The following CTNNA2 variants were observed in gnomAD, a reference collection of about 807,000 sequenced individuals.
The protein encoded by CTNNA2 is catenin alpha-2.
Under a neutral mutation model 101.0 loss-of-function variants are expected in CTNNA2, and 42 were observed. The ratio of observed to expected loss-of-function variants is 0.42; its 90% CI spans 0.32 to 0.54. CTNNA2 has a LOEUF of 0.54. CTNNA2 is among the 20% of genes least tolerant of loss of function. The probability of loss-of-function intolerance (pLI) is 0.14; values close to 1 mark genes in which losing one functional copy is unlikely to be tolerated. For synonymous variants in CTNNA2, 450 were observed against 456.4 expected, an observed-to-expected ratio of 0.99 and a Z score of 0.18; for missense variants, 871 against 1,223.1, an observed-to-expected ratio of 0.71 and a Z score of 4.29.
intron 7 of CTNNA2, among the ~76,000 whole-genome samples, chr2:80,322,964 G>A (rs952932968): frequency 1.3e-5 from 2 of 152,196 alleles, no homozygotes; most frequent in Non-Finnish European, 2.9e-5. Context: ...TGTAATTTGG[G>A]AACAGGCAAA....
chr2:79,285,296 C>G (rs1256281156), intron 2 of CTNNA2, among the ~76,000 whole-genome samples: 1 of 150,338 alleles, frequency 6.7e-6, no homozygotes, highest in East Asian at 2.0e-4. Flanking sequence ...CTTCTGCTAG[C>G]TTTTGAATGT....
intron 15 of CTNNA2, among the ~76,000 whole-genome samples, chr2:80,603,391 A>T (rs984907238): frequency 5.3e-5 from 8 of 152,098 alleles, no homozygotes; most frequent in Non-Finnish European, 1.0e-4. Context: ...AAAAACATTT[A>T]CTGTCACTCA....
At chr2:79,321,875 G>A (rs764370340) in intron 3 of CTNNA2, among the ~76,000 whole-genome samples, 9 of 152,020 alleles carry the variant, frequency 5.9e-5, no homozygotes, top group Non-Finnish European at 1.3e-4. Context: ...GTACATGCAT[G>A]GGAAATCCTA....
chr2:79,563,289 G>T (rs186351235), intron 1 of CTNNA2, among the ~76,000 whole-genome samples: 18 of 151,404 alleles, frequency 1.2e-4, no homozygotes, highest in Admixed American at 1.2e-3. Flanking sequence ...ATTTATGATG[G>T]GATTCAGGGT....
At position 80,302,017 on chromosome 2, in the gene CTNNA2, AAGAT is replaced by A; in HGVS notation, c.1057-91190_1057-91187del. 1 of 469,974 alleles carries A rather than the reference AAGAT, an allele frequency of 2.1e-6. No homozygotes were observed. The highest frequency in any genetic ancestry group is 3.7e-6 in the Non-Finnish European group (1 of 271,646). 29.1% of individuals were successfully genotyped at this position (469,974 alleles called of 1,614,324 possible). ...AGGAAGGAGTTCTCATATGAAATTT[AAGAT>A]AGACTGTCCTGAAGGTTGTGGGGTG... On this transcript the variant is annotated intron_variant, in intron 7 of 18. Coordinates refer to ENST00000402739, the MANE Select transcript of CTNNA2 (RefSeq NM_001282597.3). The surrounding 1 kb of genome is among the most constrained non-coding windows in gnomAD (Gnocchi z 6.4).
intron 9 of CTNNA2, among the ~76,000 whole-genome samples, chr2:80,502,057 G>A (rs1411388295): frequency 1.3e-5 from 2 of 152,132 alleles, no homozygotes; most frequent in Non-Finnish European, 2.9e-5. Context: ...AGTCAGAGAG[G>A]CCTAGGATTG....
intron 2 of CTNNA2, among the ~76,000 whole-genome samples, chr2:79,726,707 A>G (rs1686866645): frequency 6.6e-6 from 1 of 152,224 alleles, no homozygotes; most frequent in Non-Finnish European, 1.5e-5. Flanking sequence ...GATCAAAATA[A>G]TAATATTTCA....
intron 7 of CTNNA2, among the ~76,000 whole-genome samples, chr2:80,211,912 C>G (rs1291791785): frequency 6.6e-6 from 1 of 152,082 alleles, no homozygotes; most frequent in Non-Finnish European, 1.5e-5. Flanking sequence ...GTTTGTAGTT[C>G]TCCTTGAAGA....
chr2:79,673,946 T>C (rs1683019988), intron 2 of CTNNA2, among the ~76,000 whole-genome samples: 1 of 152,224 alleles, frequency 6.6e-6, no homozygotes, highest in African/African-American at 2.4e-5. Flanking sequence ...TCAAACTATT[T>C]ATTGAACTTC....
intron 7 of CTNNA2, among the ~76,000 whole-genome samples, chr2:79,992,227 T>G (rs192470126): frequency 1.5e-3 from 221 of 152,290 alleles, no homozygotes; most frequent in Non-Finnish European, 2.4e-3. Flanking sequence ...GAACCACATT[T>G]ATATTCATTT....
chr2:79,691,271 T>A (rs78064189), intron 2 of CTNNA2, among the ~76,000 whole-genome samples: 5 of 151,982 alleles, frequency 3.3e-5, no homozygotes, highest in Admixed American at 2.6e-4. Flanking sequence ...TCTATATTCC[T>A]TTTTCTTATT....
At chr2:80,092,526 G>C (rs1699851250) in intron 7 of CTNNA2, among the ~76,000 whole-genome samples, 1 of 152,058 alleles carries the variant, frequency 6.6e-6, no homozygotes, top group African/African-American at 2.4e-5. Flanking sequence ...AACTGGCAAG[G>C]TGTGTTGACA....
intron 3 of CTNNA2, among the ~76,000 whole-genome samples, chr2:79,772,370 A>G (rs920541567): frequency 2.6e-5 from 4 of 152,170 alleles, no homozygotes; most frequent in Non-Finnish European, 2.9e-5. Context: ...GTTAAGGCAT[A>G]TGGTAGGTCT....
chr2:80,498,484 G>GC (rs983451224), intron 9 of CTNNA2, among the ~76,000 whole-genome samples: 17 of 152,088 alleles, frequency 1.1e-4, no homozygotes, highest in African/African-American at 4.1e-4. Context: ...TTTCCATGCT[G>GC]CCCCCACCTT....
intron 6 of CTNNA2, among the ~76,000 whole-genome samples, chr2:79,900,475 A>G (rs1684998475): frequency 6.6e-6 from 1 of 152,218 alleles, no homozygotes; most frequent in Non-Finnish European, 1.5e-5. Flanking sequence ...ACACTTGGTA[A>G]TGGGTCAACA....
In CTNNA2 at chr2:79,909,716, C is replaced by T. The variant is rs747477443; in HGVS notation, c.975C>T (p.Asp325=). ...TGGCCGACTCCTCCTGCACGCGAGA[C>T]GACCGGCGCGAGAGGATCGTGGCGG... ...ALMADSSCTR[D]DRRERIVAEC... The change falls in exon 7 of 19, where the codon GAC becomes GAT. Residue 325 remains aspartate (D), a synonymous_variant. Transcript: ENST00000402739. 1 of 1,613,902 alleles carries T rather than the reference C, an allele frequency of 6.2e-7. No individual in the cohort carries two copies. Among genetic ancestry groups the T allele is most frequent in the South Asian group, 1.1e-5 (1 of 91,028 alleles).
chr2:79,918,297 A>G (rs1244405734), intron 7 of CTNNA2, among the ~76,000 whole-genome samples: 1 of 152,214 alleles, frequency 6.6e-6, no homozygotes, highest in Non-Finnish European at 1.5e-5. Context: ...ATGACAAGAA[A>G]GTAATTAACT....
intron 4 of CTNNA2, among the ~76,000 whole-genome samples, chr2:79,394,635 C>G (rs980122099): frequency 6.6e-6 from 1 of 152,178 alleles, no homozygotes; most frequent in Non-Finnish European, 1.5e-5. Flanking sequence ...TCTCTGACCT[C>G]ACTCAGGAGT....
At chr2:79,234,317 T>C (rs1173428397) in intron 2 of CTNNA2, among the ~76,000 whole-genome samples, 2 of 152,138 alleles carry the variant, frequency 1.3e-5, no homozygotes, top group South Asian at 2.1e-4. Flanking sequence ...TGAGGTATGA[T>C]AGTCTTGGTT....
Sources: allele counts gnomAD v4.1 joint callset (sites outside exome capture counted in the v4.1 genomes callset), GRCh38; gene constraint gnomAD v4.1.1; non-coding constraint Gnocchi (gnomAD v3.1); transcripts MANE v1.5; gene names NCBI Gene and HGNC (gene_info 2026-07-23, HGNC 2026-07-21).